The following MRPS6 variants were observed in gnomAD, a reference collection of about 807,000 sequenced individuals.
MRPS6 encodes small ribosomal subunit protein bS6m.
Under a neutral mutation model 13.1 loss-of-function variants are expected in MRPS6, and 6 were observed. That is an observed-to-expected ratio of 0.46 (90% CI 0.25 to 0.91). The LOEUF (loss-of-function observed/expected upper bound fraction) is 0.91. MRPS6 is among the 40% of genes least tolerant of loss of function. The pLI is 0.18. For synonymous variants in MRPS6, 61 were observed against 56.5 expected, an observed-to-expected ratio of 1.08 and a Z score of -0.36; for missense variants, 164 against 155.6, an observed-to-expected ratio of 1.05 and a Z score of -0.29.
chr21:34,095,557 A>G (rs1978927541), intron 1 of MRPS6: 2 of 1,613,726 alleles, frequency 1.2e-6, no homozygotes, highest in African/African-American at 1.3e-5. Flanking sequence ...TTTGGTGGCC[A>G]TAGGATTCAG....
intron 1 of MRPS6, among the ~76,000 whole-genome samples, chr21:34,091,873 T>A (rs919104397): frequency 1.3e-5 from 2 of 152,110 alleles, no homozygotes; most frequent in African/African-American, 4.8e-5. Context: ...AAGAAAAAAA[T>A]GGACTACCAA....
chr21:34,115,650 A>G (rs900074916), intron 1 of MRPS6, among the ~76,000 whole-genome samples: 1 of 152,188 alleles, frequency 6.6e-6, no homozygotes, highest in African/African-American at 2.4e-5. Context: ...TCAGTGTCCA[A>G]GTGTAGATCT....
In MRPS6 at chr21:34,104,134, C is replaced by A. The variant is rs772924375; in HGVS notation, c.46-21207C>A. 3.0e-6 allele frequency: 3 copies of A among 999,434 alleles called. No individual in the cohort carries two copies. The African/African-American group carries it at 5.3e-5, about 17-fold the overall frequency. The allele number at this position is 999,434 out of a possible 1,614,324, so 61.9% of individuals were successfully genotyped here. A position where few individuals can be genotyped will look rare whatever the true frequency, so the allele number is the denominator to read the frequency against. On this transcript the variant is annotated intron_variant, in intron 1 of 2. Transcript: ENST00000399312. ...AGATGAAGTTACCTTTATTTTTTTC[C>A]TATACTTGACTGTGCTTCATTTTAA...
chr21:34,133,424 A>T (rs1251448859), intron 2 of MRPS6, among the ~76,000 whole-genome samples: 1 of 152,200 alleles, frequency 6.6e-6, no homozygotes, highest in Non-Finnish European at 1.5e-5. Flanking sequence ...TTCTCTTAGA[A>T]CATGTTGAGA....
At chr21:34,098,548 T>A (rs1652228608) in intron 1 of MRPS6, 2 of 1,000,314 alleles carry the variant, frequency 2.0e-6, no homozygotes, top group Non-Finnish European at 2.4e-6. Context: ...GATGTTTCAG[T>A]GCAAACTGGC....
At chr21:34,110,459 G>A (rs533691290) in intron 1 of MRPS6, among the ~76,000 whole-genome samples, 5 of 152,022 alleles carry the variant, frequency 3.3e-5, no homozygotes, top group East Asian at 1.9e-4. Flanking sequence ...CAGCCTAGGC[G>A]GCAACAGAGT....
At chr21:34,129,436 C>G (rs901198746) in intron 2 of MRPS6, among the ~76,000 whole-genome samples, 1 of 152,188 alleles carries the variant, frequency 6.6e-6, no homozygotes, top group Non-Finnish European at 1.5e-5. Context: ...TTCCAAATGC[C>G]TGTGTATAAG....
intron 2 of MRPS6, 132 bp downstream of exon 2, chr21:34,125,612 ACT>A: frequency 2.3e-6 from 3 of 1,332,222 alleles, no homozygotes; most frequent in Middle Eastern, 2.3e-4. Flanking sequence ...TTGGGTACAC[ACT>A]CTGGCAGTCT....
At chr21:34,108,723 A>G (rs1043446936) in intron 1 of MRPS6, among the ~76,000 whole-genome samples, 1 of 152,180 alleles carries the variant, frequency 6.6e-6, no homozygotes, top group Non-Finnish European at 1.5e-5. Context: ...TTTGTTTGCA[A>G]CTTTGGCTGA....
rs111963757 is a variant in MRPS6 at position 34,142,694 on chromosome 21, A to G, written c.*94A>G. On this transcript the variant is annotated 3_prime_UTR_variant, in exon 3 of 3. Coordinates refer to ENST00000399312, the MANE Select transcript of MRPS6 (RefSeq NM_032476.4). The stretch of plus-strand genomic sequence containing the variant: ...AATTTGCAAGTTTGGCCTTTATATA[A>G]GCATGTGTTGCAGGTGCTGTTTGAT... 10,222 of 1,376,060 alleles carry G rather than the reference A, an allele frequency of 7.4e-3. 293 individuals are homozygous for G. In the South Asian group the frequency reaches 0.083, roughly 11 times the overall value. The allele number at this position is 1,376,060 out of a possible 1,614,324, so 85.2% of individuals were successfully genotyped here. A position where few individuals can be genotyped will look rare whatever the true frequency, so the allele number is the denominator to read the frequency against.
intron 1 of MRPS6, among the ~76,000 whole-genome samples, chr21:34,076,486 A>G (rs1300927772): frequency 2.0e-5 from 3 of 152,298 alleles, no homozygotes; most frequent in African/African-American, 7.2e-5. Flanking sequence ...AGAAATTCCA[A>G]TACTATGTTT....
intron 1 of MRPS6, among the ~76,000 whole-genome samples, chr21:34,090,257 C>T (rs1270297273): frequency 1.3e-5 from 2 of 152,162 alleles, no homozygotes; most frequent in East Asian, 3.9e-4. Context: ...ATCCTTGCTC[C>T]ACATTTTTAA....
chr21:34,120,733 ATATT>A (rs768862663), intron 1 of MRPS6, among the ~76,000 whole-genome samples: 7 of 152,202 alleles, frequency 4.6e-5, no homozygotes, highest in African/African-American at 9.6e-5. Flanking sequence ...AATGTATAAA[ATATT>A]TAATTAATTT....
intron 1 of MRPS6, among the ~76,000 whole-genome samples, chr21:34,114,145 A>G (rs1355552107): frequency 1.3e-5 from 2 of 152,194 alleles, no homozygotes; most frequent in African/African-American, 4.8e-5. Context: ...GAGTATAGAA[A>G]TGGAAACCTC....
intron 1 of MRPS6, among the ~76,000 whole-genome samples, chr21:34,089,172 C>A (rs983319608): frequency 1.4e-5 from 2 of 147,436 alleles, no homozygotes; most frequent in Non-Finnish European, 3.0e-5. Context: ...GGATTACAGG[C>A]GTGTGCTACC....
intron 2 of MRPS6, chr21:34,135,563 C>A: frequency 2.1e-6 from 1 of 468,016 alleles, no homozygotes; most frequent in Non-Finnish European, 4.2e-6. Context: ...TCCCGGAGGG[C>A]ACCCTCAAGA....
At chr21:34,090,182 A>C (rs1297496066) in intron 1 of MRPS6, among the ~76,000 whole-genome samples, 1 of 152,220 alleles carries the variant, frequency 6.6e-6, no homozygotes, top group Non-Finnish European at 1.5e-5. Flanking sequence ...AACTGGCTGG[A>C]GTTCAGGCCA....
chr21:34,087,965 A>T (rs1001520734), intron 1 of MRPS6, among the ~76,000 whole-genome samples: 2 of 152,228 alleles, frequency 1.3e-5, no homozygotes, highest in African/African-American at 4.8e-5. Context: ...GGACTGAGCA[A>T]TAGTGAGGAT....
At chr21:34,131,097 T>C (rs1266596556) in intron 2 of MRPS6, among the ~76,000 whole-genome samples, 1 of 152,216 alleles carries the variant, frequency 6.6e-6, no homozygotes, top group East Asian at 1.9e-4. Flanking sequence ...ATGAGCTGTG[T>C]ACTTATTGAT....
Sources: allele counts gnomAD v4.1 joint callset (sites outside exome capture counted in the v4.1 genomes callset), GRCh38; gene constraint gnomAD v4.1.1; transcripts MANE v1.5; gene names NCBI Gene and HGNC (gene_info 2026-07-23, HGNC 2026-07-21).